Variants in KDM4C observed in about 807,000 individuals in gnomAD.
KDM4C encodes the protein lysine-specific demethylase 4C.
KDM4C carries 81 observed loss-of-function variants against 129.3 expected under a neutral mutation model. The observed-to-expected ratio is 0.63, with a 90% confidence interval of 0.52 to 0.75. The LOEUF is 0.75. KDM4C is among the 30% of genes least tolerant of loss of function. The probability of loss-of-function intolerance (pLI) is 0.00; values close to 1 mark genes in which losing one functional copy is unlikely to be tolerated. For missense variants in KDM4C, 1,457 were observed against 1,304.0 expected, an observed-to-expected ratio of 1.12 and a Z score of -1.81; for synonymous variants, 573 against 456.1, an observed-to-expected ratio of 1.26 and a Z score of -3.26.
At chr9:6,835,056 C>T in intron 4 of KDM4C, 1 of 959,502 alleles carries the variant, frequency 1.0e-6, no homozygotes, top group Admixed American at 1.7e-5. Context: ...GCTTCACCAC[C>T]ACGGCTGAGT....
In KDM4C at chr9:6,747,397, A is replaced by C. The variant is rs373629858; in HGVS notation, c.49+26400A>C. ...CCCGTCTCTACTAAAAATACATAAA[A>C]ATTAGCTGGGCGTGGTGGTGGGCGC... is the stretch of plus-strand genomic sequence containing the variant. On this transcript the variant is annotated intron_variant, in intron 1 of 17. Coordinates refer to the KDM4C transcript ENST00000536108. Among the ~76,000 whole-genome samples the C allele has an allele frequency of 2.2e-3, 330 of 151,654 alleles. 3 individuals are homozygous for C. Among genetic ancestry groups the C allele is most frequent in the African/African-American group, 7.4e-3 (307 of 41,352 alleles).
intron 15 of KDM4C, among the ~76,000 whole-genome samples, chr9:7,038,256 A>G (rs191161003): frequency 1.4e-3 from 209 of 152,200 alleles, no homozygotes; most frequent in African/African-American, 4.8e-3. Context: ...AAGGAACTAG[A>G]TATTATCAAG....
chr9:6,788,143 C>G (rs1825848663), intron 1 of KDM4C, among the ~76,000 whole-genome samples: 1 of 152,160 alleles, frequency 6.6e-6, no homozygotes, highest in Non-Finnish European at 1.5e-5. Flanking sequence ...CTTGCCTACC[C>G]TGTATAAAAT....
intron 5 of KDM4C, among the ~76,000 whole-genome samples, chr9:6,865,368 G>C (rs927424381): frequency 6.6e-6 from 1 of 152,106 alleles, no homozygotes; most frequent in Non-Finnish European, 1.5e-5. Context: ...GGAGATTACT[G>C]GTTTCCTTGA....
intron 18 of KDM4C, among the ~76,000 whole-genome samples, chr9:7,120,405 C>T (rs1333753902): frequency 1.3e-5 from 2 of 152,136 alleles, no homozygotes; most frequent in African/African-American, 2.4e-5. Flanking sequence ...CAAGTTCACA[C>T]TTGATTGAAG....
chr9:7,090,430 G>A (rs1015777171), intron 17 of KDM4C, among the ~76,000 whole-genome samples: 1 of 152,182 alleles, frequency 6.6e-6, no homozygotes, highest in African/African-American at 2.4e-5. Flanking sequence ...AAAGATTCAA[G>A]AAGCTATTTT....
chr9:7,060,377 C>T (rs1831455216), intron 17 of KDM4C, among the ~76,000 whole-genome samples: 1 of 151,174 alleles, frequency 6.6e-6, no homozygotes. Context: ...TTCTCCCTCT[C>T]CCTTGACCCA....
chr9:6,957,649 T>C (rs1240702901), intron 8 of KDM4C, among the ~76,000 whole-genome samples: 2 of 152,136 alleles, frequency 1.3e-5, no homozygotes, highest in Admixed American at 1.3e-4. Context: ...TTTCTATTGG[T>C]TGCACAATTG....
chr9:6,856,651 C>T (rs1366014542), intron 5 of KDM4C, among the ~76,000 whole-genome samples: 4 of 151,126 alleles, frequency 2.6e-5, no homozygotes. Context: ...TGGCTAACTG[C>T]AGCCACAACC....
At chr9:7,060,601 C>A (rs549433851) in intron 17 of KDM4C, among the ~76,000 whole-genome samples, 3 of 151,988 alleles carry the variant, frequency 2.0e-5, no homozygotes, top group East Asian at 3.9e-4. Context: ...CCTGCCTCAG[C>A]CTCCTGAGTA....
chr9:6,793,783 T>C (rs1827215928), intron 2 of KDM4C, among the ~76,000 whole-genome samples: 1 of 152,134 alleles, frequency 6.6e-6, no homozygotes, highest in Admixed American at 6.5e-5. Flanking sequence ...CCTCAGGTGA[T>C]CCATCCGCCT....
intron 11 of KDM4C, among the ~76,000 whole-genome samples, chr9:6,990,177 A>T (rs1428662566): frequency 2.0e-5 from 3 of 152,202 alleles, no homozygotes; most frequent in Non-Finnish European, 4.4e-5. Flanking sequence ...TACAGCTTGT[A>T]TTTTAATACA....
intron 2 of KDM4C, among the ~76,000 whole-genome samples, chr9:6,798,856 C>T (rs1380912867): frequency 1.3e-5 from 2 of 151,618 alleles, no homozygotes; most frequent in Non-Finnish European, 2.9e-5. Context: ...GGGGCGGCTG[C>T]CGGGCGGAGG....
At chr9:7,031,779 G>T (rs749571032) in intron 15 of KDM4C, among the ~76,000 whole-genome samples, 97 of 152,214 alleles carry the variant, frequency 6.4e-4, no homozygotes, top group Non-Finnish European at 1.2e-3. Flanking sequence ...CTTCAGTGCT[G>T]CACGTGGCCA....
intron 5 of KDM4C, 114 bp downstream of exon 5, chr9:6,849,814 T>A: frequency 2.3e-6 from 2 of 851,718 alleles, no homozygotes; most frequent in Non-Finnish European, 3.6e-6. Context: ...ATGTGAGCTG[T>A]AAGGAAGTTT....
At chr9:6,911,588 T>A (rs1472502481) in intron 8 of KDM4C, among the ~76,000 whole-genome samples, 1 of 152,252 alleles carries the variant, frequency 6.6e-6, no homozygotes, top group Non-Finnish European at 1.5e-5. Context: ...CTCTGCTAGA[T>A]AAGTCAGACC....
rs148507450 is a variant in KDM4C, at chr9:7,009,635, G to T, written c.1787-2063G>T. Among the ~76,000 whole-genome samples the T allele has an allele frequency of 5.7e-3, 861 of 152,140 alleles. 14 individuals carry two copies. Among genetic ancestry groups the T allele is most frequent in the African/African-American group, 0.019 (780 of 41,498 alleles). On this transcript the variant is annotated intron_variant, in intron 12 of 21. Transcript: ENST00000381309. ...AACAATTTTACTCTCTACTACTTTC[G>T]TATCACCGTTACAAATCTCAAATGG...
In KDM4C at chr9:7,006,796, T is replaced by C. The variant is rs533272177; in HGVS notation, c.1787-4902T>C. Among the ~76,000 whole-genome samples the C allele has an allele frequency of 1.2e-4, 18 of 152,188 alleles. No individual in the cohort carries two copies. In the South Asian group the frequency reaches 3.7e-3, roughly 32 times the overall value. ...TTAATTCTGCCAGAAATATTCAGAGTAAGAGGTGATGATTGGTTTCCTGGG... is the reference window on the plus strand; with the variant it reads ...TTAATTCTGCCAGAAATATTCAGAGCAAGAGGTGATGATTGGTTTCCTGGG... On this transcript the variant is annotated intron_variant, in intron 12 of 21. Transcript: ENST00000381309.
At chr9:7,063,043 A>G (rs1192456288) in intron 17 of KDM4C, among the ~76,000 whole-genome samples, 2 of 152,230 alleles carry the variant, frequency 1.3e-5, no homozygotes, top group Admixed American at 6.5e-5. Context: ...TCTTAAAACT[A>G]GAGAAAATGT....
Sources: allele counts gnomAD v4.1 joint callset (sites outside exome capture counted in the v4.1 genomes callset), GRCh38; gene constraint gnomAD v4.1.1; transcripts MANE v1.5; gene names NCBI Gene and HGNC (gene_info 2026-07-23, HGNC 2026-07-21).